The following CUL4A variants were observed in gnomAD, a reference collection of about 807,000 sequenced individuals.
The protein encoded by CUL4A is cullin 4A, also known as cullin-4A.
A neutral mutation model predicts 95.5 loss-of-function variants in CUL4A; 16 were observed. The observed-to-expected ratio is 0.17, with a 90% CI of 0.11 to 0.25. The LOEUF is 0.25. Among genes scored for constraint, CUL4A ranks in the 10% least tolerant of loss-of-function variants. CUL4A has a pLI of 1.00. For missense variants in CUL4A, 610 were observed against 937.0 expected, an observed-to-expected ratio of 0.65 and a Z score of 4.56; for synonymous variants, 380 against 353.1, an observed-to-expected ratio of 1.08 and a Z score of -0.85.
chr13:113,239,321 G>T (rs530039367), intron 9 of CUL4A, 112 bp from the exon 10 acceptor site: 7 of 910,696 alleles, frequency 7.7e-6, no homozygotes, highest in African/African-American at 6.5e-5. Flanking sequence ...GTGGAGACCC[G>T]CCCAATTTCT....
intron 18 of CUL4A, among the ~76,000 whole-genome samples, chr13:113,256,386 A>G (rs1432824953): frequency 6.6e-6 from 1 of 152,174 alleles, no homozygotes; most frequent in South Asian, 2.1e-4. Flanking sequence ...TGGCACAGAC[A>G]TTTCTGTGCA....
chr13:113,241,424 G>A lies in CUL4A; in HGVS notation c.1036-1544G>A, dbSNP rs1369241929. 3.3e-5 allele frequency among the ~76,000 whole-genome samples: 5 copies of A among 152,090 alleles called. No individual in the cohort carries two copies. The East Asian group carries it at 9.6e-4, about 29-fold the overall frequency. On this transcript the variant is annotated intron_variant, in intron 10 of 19. Coordinates refer to ENST00000375440, the MANE Select transcript of CUL4A (RefSeq NM_001008895.4). Reference sequence around the variant, plus strand: ...TTTCAAAATGCAGTTAGCACCAAAGGGTGTAGAGTAAGAGGTAAGTCCCTC... The same window carrying A: ...TTTCAAAATGCAGTTAGCACCAAAGAGTGTAGAGTAAGAGGTAAGTCCCTC...
At chr13:113,212,050 C>A (rs2040468167) in intron 2 of CUL4A, among the ~76,000 whole-genome samples, 1 of 152,228 alleles carries the variant, frequency 6.6e-6, no homozygotes, top group African/African-American at 2.4e-5. Context: ...TTTTAGTTTG[C>A]ATTTCCCTCT....
intron 2 of CUL4A, among the ~76,000 whole-genome samples, chr13:113,212,103 T>C (rs1047711398): frequency 6.6e-6 from 1 of 152,284 alleles, no homozygotes; most frequent in Non-Finnish European, 1.5e-5. Context: ...CTATGTATCT[T>C]CGTTGACGAA....
intron 4 of CUL4A, 135 bp from the exon 5 acceptor site, chr13:113,229,311 A>T (rs2041225030): frequency 2.9e-6 from 2 of 686,900 alleles, no homozygotes; most frequent in Non-Finnish European, 5.0e-6. Flanking sequence ...AGAAAAAAAA[A>T]ATAAAACATG....
At chr13:113,232,896 T>G (rs536214685) in intron 5 of CUL4A, among the ~76,000 whole-genome samples, 1 of 152,276 alleles carries the variant, frequency 6.6e-6, no homozygotes, top group African/African-American at 2.4e-5. Flanking sequence ...GACCCCGGGC[T>G]TCTGCCAGCA....
intron 8 of CUL4A, among the ~76,000 whole-genome samples, chr13:113,235,401 G>A (rs1449923549): frequency 2.6e-5 from 4 of 151,984 alleles, no homozygotes; most frequent in East Asian, 3.9e-4. Context: ...GTTTTGAGAC[G>A]GTCTATTTAT....
chr13:113,242,006 T>A (rs949745731), intron 10 of CUL4A, among the ~76,000 whole-genome samples: 1 of 152,162 alleles, frequency 6.6e-6, no homozygotes, highest in African/African-American at 2.4e-5. Context: ...ATGTTTAATA[T>A]AACAGTTTTA....
intron 16 of CUL4A, 68 bp from the exon 17 acceptor site, chr13:113,254,625 G>T: frequency 3.6e-6 from 4 of 1,122,670 alleles, no homozygotes; most frequent in Non-Finnish European, 5.1e-6. Flanking sequence ...GCAAAAAGAA[G>T]CTTCTTTTAA....
At chr13:113,241,965 G>C (rs1170684081) in intron 10 of CUL4A, among the ~76,000 whole-genome samples, 1 of 151,646 alleles carries the variant, frequency 6.6e-6, no homozygotes, top group East Asian at 2.0e-4. Flanking sequence ...AATGTTAACT[G>C]TTTATTAGTG....
chr13:113,254,646 A>G (rs757774659), intron 16 of CUL4A, 47 bp from the exon 17 acceptor site: 14 of 1,260,348 alleles, frequency 1.1e-5, no homozygotes, highest in African/African-American at 1.6e-5. Flanking sequence ...TTTTTCAAAG[A>G]TTGTACATGC....
intron 10 of CUL4A, among the ~76,000 whole-genome samples, chr13:113,239,979 G>A (rs1322573499): frequency 2.0e-5 from 3 of 152,048 alleles, no homozygotes; most frequent in Non-Finnish European, 4.4e-5. Flanking sequence ...TTTCTTAACG[G>A]TCCAAATTTA....
chr13:113,208,403 G>T, upstream of CUL4A: 1 of 1,473,658 alleles, frequency 6.8e-7, no homozygotes, highest in Non-Finnish European at 9.0e-7. Context: ...CGGCGGCCCT[G>T]CAGGGGAGAA....
At chr13:113,250,516 C>T (rs1212187267) in intron 15 of CUL4A, among the ~76,000 whole-genome samples, 1 of 152,134 alleles carries the variant, frequency 6.6e-6, no homozygotes, top group Non-Finnish European at 1.5e-5. Flanking sequence ...AGTTTTAGCT[C>T]ATATGTTTCA....
intron 15 of CUL4A, among the ~76,000 whole-genome samples, chr13:113,247,325 A>G (rs1297890827): frequency 6.6e-6 from 1 of 152,200 alleles, no homozygotes; most frequent in Non-Finnish European, 1.5e-5. Flanking sequence ...ATCTAACAGT[A>G]GTAGAGTAGC....
upstream of CUL4A, chr13:113,208,924 C>G: frequency 1.5e-6 from 2 of 1,353,322 alleles, no homozygotes; most frequent in South Asian, 1.7e-5. Context: ...GAGGACAGCC[C>G]CACGGCTAAA....
rs1296577221 is a variant in CUL4A, at chr13:113,256,810, CT to C, written c.2031+1690del. 3.5e-5 allele frequency among the ~76,000 whole-genome samples: 5 copies of C among 142,020 alleles called. No homozygotes were observed. In the Admixed American group the frequency reaches 3.6e-4, roughly 10 times the overall value. The allele number at this position is 142,020 out of a possible 152,430, so 93.2% of individuals were successfully genotyped here. ...TTTATGCTTAGCCATTTGTATTTTT[CT>C]TTTTCTAATTGCTTTTCAAGTCATA... On this transcript the variant is annotated intron_variant, in intron 18 of 19. Transcript: ENST00000375440.
intron 10 of CUL4A, among the ~76,000 whole-genome samples, chr13:113,240,919 G>A (rs1357748538): frequency 1.3e-5 from 2 of 152,194 alleles, no homozygotes; most frequent in Non-Finnish European, 2.9e-5. Context: ...GGAAACTGTG[G>A]AAATAAAGAC....
chr13:113,244,383 G>A (rs1194931514), intron 11 of CUL4A, 27 bp from the exon 12 acceptor site: 1 of 1,524,858 alleles, frequency 6.6e-7, no homozygotes, highest in African/African-American at 1.4e-5. Flanking sequence ...CTAGTTTAGA[G>A]TATTTACTAT....
Sources: allele counts gnomAD v4.1 joint callset (sites outside exome capture counted in the v4.1 genomes callset), GRCh38; gene constraint gnomAD v4.1.1; transcripts MANE v1.5; gene names NCBI Gene and HGNC (gene_info 2026-07-23, HGNC 2026-07-21).